PRDM11: variants seen among roughly 807,000 people sequenced by gnomAD.
The protein encoded by PRDM11 is PR domain-containing protein 11.
Under a neutral mutation model 97.8 loss-of-function variants are expected in PRDM11, and 20 were observed. The ratio of observed to expected loss-of-function variants is 0.20; its 90% confidence interval spans 0.14 to 0.30. The LOEUF (loss-of-function observed/expected upper bound fraction) is 0.30, where lower values mean the gene tolerates loss of function less well. Among genes scored for constraint, PRDM11 ranks in the 10% least tolerant of loss-of-function variants. The probability of loss-of-function intolerance (pLI) is 1.00; values close to 1 mark genes in which losing one functional copy is unlikely to be tolerated. For missense variants in PRDM11, 1,139 were observed against 1,555.2 expected (o/e 0.73, Z 4.50); for synonymous variants, 599 against 637.7 (o/e 0.94, Z 0.91).
intron 5 of PRDM11, among the ~76,000 whole-genome samples, chr11:45,216,744 C>T (rs540681967): frequency 1.3e-4 from 20 of 152,284 alleles, no homozygotes; most frequent in African/African-American, 3.1e-4. Context: ...ATTTATACAA[C>T]GCCTTGAGGT....
chr11:45,203,376 AC>A lies in PRDM11; in HGVS notation c.487-1334del, dbSNP rs147883228. On this transcript the variant is annotated intron_variant, in intron 4 of 7. Transcript: ENST00000683152. Reference sequence around the variant, plus strand: ...ATAAAAGGGTGGACCTGAAAAAAAAACTAATTAAAAATTCTGGGAATGAAAA... The same window carrying A: ...ATAAAAGGGTGGACCTGAAAAAAAAATAATTAAAAATTCTGGGAATGAAAA... 6.0e-4 allele frequency among the ~76,000 whole-genome samples: 92 copies of A among 152,244 alleles called. 1 individual carries two copies. In the East Asian group the frequency reaches 0.012, roughly 20 times the overall value.
At chr11:45,165,727 C>T (rs1410348825) in intron 1 of PRDM11, among the ~76,000 whole-genome samples, 1 of 152,198 alleles carries the variant, frequency 6.6e-6, no homozygotes, top group Non-Finnish European at 1.5e-5. Flanking sequence ...TCTGTTTCTT[C>T]GAAGTTGGCA....
intron 1 of PRDM11, among the ~76,000 whole-genome samples, chr11:45,128,490 T>C (rs1490834429): frequency 2.0e-5 from 3 of 152,104 alleles, no homozygotes; most frequent in Non-Finnish European, 2.9e-5. Context: ...CCATCTTGGC[T>C]ACACCCCGCG....
chr11:45,155,572 G>A (rs1298029365), intron 1 of PRDM11, among the ~76,000 whole-genome samples: 2 of 151,980 alleles, frequency 1.3e-5, no homozygotes, highest in African/African-American at 2.4e-5. Flanking sequence ...GGCCGGCTGT[G>A]TTCCAAGAGA....
chr11:45,203,930 C>T (rs575978198), intron 4 of PRDM11, among the ~76,000 whole-genome samples: 1 of 152,228 alleles, frequency 6.6e-6, no homozygotes, highest in East Asian at 1.9e-4. Flanking sequence ...AGGTGTTCAT[C>T]AAGTAGTAAG....
intron 5 of PRDM11, chr11:45,212,958 C>T (rs997764799): frequency 5.1e-6 from 2 of 393,784 alleles, no homozygotes; most frequent in Non-Finnish European, 1.0e-5. Flanking sequence ...CAGGCCCAAG[C>T]CCCCCTGCCA....
chr11:45,206,567 G>A (rs951583096), intron 5 of PRDM11, among the ~76,000 whole-genome samples: 2 of 152,202 alleles, frequency 1.3e-5, no homozygotes, highest in African/African-American at 4.8e-5. Flanking sequence ...AACCGAATCT[G>A]TTCCACTCTT....
At chr11:45,168,195 G>T (rs1852114449) in intron 1 of PRDM11, among the ~76,000 whole-genome samples, 3 of 152,172 alleles carry the variant, frequency 2.0e-5, no homozygotes, top group Admixed American at 2.0e-4. Context: ...GAAGGGGATG[G>T]GGGAGAAGTA....
At chr11:45,186,574 G>A (rs1852712237) in intron 4 of PRDM11, among the ~76,000 whole-genome samples, 1 of 149,778 alleles carries the variant, frequency 6.7e-6, no homozygotes, top group South Asian at 2.1e-4. Flanking sequence ...AGCAGTAGGA[G>A]GAGACAGTAG....
chr11:45,137,106 T>G (rs919216310), intron 1 of PRDM11, among the ~76,000 whole-genome samples: 3 of 150,066 alleles, frequency 2.0e-5, no homozygotes, highest in Non-Finnish European at 4.4e-5. Flanking sequence ...GAGGTTGCAG[T>G]GAGCTGAGAT....
In PRDM11 at chr11:45,219,573, C is replaced by T. The variant is rs779826682; in HGVS notation, c.558C>T (p.Tyr186=). 1.3e-4 allele frequency: 207 copies of T among 1,612,968 alleles called. No homozygotes were observed. Among genetic ancestry groups the T allele is most frequent in the Non-Finnish European group, 1.6e-4 (192 of 1,179,232 alleles). The change falls in exon 6 of 8, where the codon TAC becomes TAT. Residue 186 remains tyrosine, a synonymous_variant. Coordinates refer to ENST00000683152, the MANE Select transcript of PRDM11 (RefSeq NM_001384648.1). The surrounding 1 kb of genome is among the most constrained non-coding windows in gnomAD (Gnocchi z 4.2). The part of the protein sequence containing the change: ...SDETKANWMR[Y]VVISREEREQ... The stretch of plus-strand genomic sequence containing the variant: ...ACCTGTCTCCCCTCCCCACCAGGTA[C>T]GTGGTCATCTCCCGGGAGGAGAGGG...
At chr11:45,129,925 G>C (rs551501566) in intron 1 of PRDM11, among the ~76,000 whole-genome samples, 1 of 152,252 alleles carries the variant, frequency 6.6e-6, no homozygotes, top group Admixed American at 6.5e-5. Flanking sequence ...TTGGTGCAAA[G>C]ACAGATAAAT....
chr11:45,219,900 C>A lies in PRDM11; in HGVS notation c.742+143C>A. On this transcript the variant is annotated intron_variant, in intron 6 of 7. Coordinates refer to ENST00000683152, the MANE Select transcript of PRDM11 (RefSeq NM_001384648.1). The surrounding 1 kb of genome is among the most constrained non-coding windows in gnomAD (Gnocchi z 4.2). The stretch of plus-strand genomic sequence containing the variant: ...ATTCGGGGGAACAGATGGTTGAGGT[C>A]TGAGCAGCAGCTCTGGGCCAAGCAG... The A allele has an allele frequency of 1.9e-6, 2 of 1,069,284 alleles. No homozygotes were observed. The highest frequency in any genetic ancestry group is 2.6e-6 in the Non-Finnish European group (2 of 765,098). 66.2% of individuals were successfully genotyped at this position (1,069,284 alleles called of 1,614,324 possible). A position where few individuals can be genotyped will look rare whatever the true frequency, so the allele number is the denominator to read the frequency against.
intron 4 of PRDM11, among the ~76,000 whole-genome samples, chr11:45,187,638 T>TGCAGCCAGCAGCCA (rs924718755): frequency 1.3e-4 from 20 of 152,236 alleles, no homozygotes; most frequent in Non-Finnish European, 2.5e-4. Context: ...GGGCCTTAGC[T>TGCAGCCAGCAGCCA]GCAGCCAGCA....
intron 1 of PRDM11, among the ~76,000 whole-genome samples, chr11:45,138,186 G>C (rs1423980968): frequency 6.6e-6 from 1 of 152,108 alleles, no homozygotes; most frequent in African/African-American, 2.4e-5. Context: ...ATGAACAGGG[G>C]GGAAAAACTT....
intron 1 of PRDM11, among the ~76,000 whole-genome samples, chr11:45,179,930 G>A (rs80092223): frequency 0.15 from 22,310 of 152,190 alleles, 1,920 homozygotes; most frequent in Middle Eastern, 0.23. Context: ...AGGGCAGCAG[G>A]TGTTCAGGGA....
At position 45,219,647 on chromosome 11, in the gene PRDM11, C is replaced by A. The variant is rs368942396; in HGVS notation, c.632C>A (p.Ala211Glu). 1.2e-6 allele frequency: 2 copies of A among 1,614,104 alleles called. No homozygotes were observed. The highest frequency in any genetic ancestry group is 1.7e-6 in the Non-Finnish European group (2 of 1,180,002). ...FQHSERIYFR[A>E]CRDIRPGEWL... ...CACAGTGAGCGCATCTACTTCCGGGCGTGCAGGGACATCCGGCCTGGGGAG... is the reference window on the plus strand; with the variant it reads ...CACAGTGAGCGCATCTACTTCCGGGAGTGCAGGGACATCCGGCCTGGGGAG... Residue 211 changes from alanine (A) to glutamate (E), a missense_variant, in exon 6 of 8, where the codon GCG (alanine) becomes GAG (glutamate). Physicochemically the swap from Ala to Glu is moderately radical, Grantham distance 107 (BLOSUM62 -1). Around this residue, in one of 2 missense-constraint regions of PRDM11, gnomAD observed 429 missense variants for 510.3 expected, o/e 0.84. Coordinates refer to ENST00000683152, the MANE Select transcript of PRDM11 (RefSeq NM_001384648.1). This position sits in a 1 kb window ranked among gnomAD's most constrained non-coding sequence, Gnocchi z 4.2.
chr11:45,163,627 T>C (rs755612251), intron 1 of PRDM11, among the ~76,000 whole-genome samples: 1 of 152,268 alleles, frequency 6.6e-6, no homozygotes, highest in Non-Finnish European at 1.5e-5. Context: ...AGGACTCAGT[T>C]CTAGCCTAGG....
intron 4 of PRDM11, among the ~76,000 whole-genome samples, chr11:45,202,550 C>G (rs1184592342): frequency 6.6e-6 from 1 of 152,208 alleles, no homozygotes; most frequent in Non-Finnish European, 1.5e-5. Context: ...CACTTGGGTG[C>G]CATTTCTGTA....
Sources: allele counts gnomAD v4.1 joint callset (sites outside exome capture counted in the v4.1 genomes callset), GRCh38; gene constraint gnomAD v4.1.1; regional missense constraint gnomAD v4.1.1; non-coding constraint Gnocchi (gnomAD v3.1); transcripts MANE v1.5; gene names NCBI Gene and HGNC (gene_info 2026-07-23, HGNC 2026-07-21).